The following EGF variants were observed in gnomAD, a reference collection of about 807,000 sequenced individuals.
EGF encodes the protein pro-epidermal growth factor.
In EGF, 95 loss-of-function variants were observed where a neutral mutation model predicts 143.8. The ratio of observed to expected loss-of-function variants is 0.66; its 90% confidence interval spans 0.56 to 0.78. The LOEUF is 0.78. EGF is among the 30% of genes least tolerant of loss of function. EGF has a pLI of 0.00. For missense variants in EGF, 1,320 were observed against 1,470.9 expected (o/e 0.90, Z 1.68); for synonymous variants, 510 against 510.5 (o/e 1.00, Z 0.01).
In EGF at chr4:110,004,572, C is replaced by T. The variant is rs774786316; in HGVS notation, c.3241C>T (p.Arg1081Cys). 23 of 1,613,834 alleles carry T rather than the reference C, an allele frequency of 1.4e-5. No homozygotes were observed. The highest frequency in any genetic ancestry group is 8.9e-5 in the East Asian group (4 of 44,896). Residue 1081 changes from arginine to cysteine, a missense_variant, in exon 22 of 24, where the codon CGC (arginine) becomes TGC (cysteine). By Grantham distance (180) the Arg-to-Cys change is radical. Transcript: ENST00000265171. ...GGAGTCGAGCAGAGATGTGAGGAGT[C>T]GCAGGCCTGCTGACACTGAGGATGG... ...YEESSRDVRSRRPADTEDGMS... is the reference protein window; with the variant it reads ...YEESSRDVRSCRPADTEDGMS...
intron 1 of EGF, among the ~76,000 whole-genome samples, chr4:109,924,816 C>T (rs1738365488): frequency 6.6e-6 from 1 of 152,090 alleles, no homozygotes; most frequent in Non-Finnish European, 1.5e-5. Context: ...CGTAAATCTC[C>T]ATAGATCTGA....
Position 109,994,839 on chromosome 4 carries a change from T to C in EGF, c.2964T>C (p.Gly988=). 1 of 1,614,172 alleles carries C rather than the reference T, an allele frequency of 6.2e-7. No individual in the cohort carries two copies. Among genetic ancestry groups the C allele is most frequent in the Non-Finnish European group, 8.5e-7 (1 of 1,180,004 alleles). The change falls in exon 20 of 24, where the codon GGT becomes GGC. Residue 988 remains glycine (G), a synonymous_variant. Coordinates refer to ENST00000265171, the MANE Select transcript of EGF (RefSeq NM_001963.6). The part of the protein sequence containing the change: ...LSHDGYCLHD[G]VCMYIEALDK... ...ACGATGGGTACTGCCTCCATGATGG[T>C]GTGTGCATGTATATTGAAGCATTGG... is the stretch of plus-strand genomic sequence containing the variant.
chr4:110,011,338 C>T lies in EGF; in HGVS notation c.3507C>T (p.Ser1169=), dbSNP rs2126206645. 3 of 1,614,136 alleles carry T rather than the reference C, an allele frequency of 1.9e-6. No homozygotes were observed. The highest frequency in any genetic ancestry group is 2.5e-6 in the Non-Finnish European group (3 of 1,180,014). Residue 1169 remains serine (S), a synonymous_variant, in exon 24 of 24, where the codon TCC becomes TCT. Transcript: ENST00000265171. ...QVMERSFHMP[S]YGTQTLEGGV... ...TGGAGCGAAGCTTTCATATGCCCTC[C>T]TATGGGACACAGACCCTTGAAGGGG... is the stretch of plus-strand genomic sequence containing the variant.
At chr4:110,003,370 A>T (rs1265460653) in intron 21 of EGF, among the ~76,000 whole-genome samples, 1 of 152,126 alleles carries the variant, frequency 6.6e-6, no homozygotes, top group South Asian at 2.1e-4. Flanking sequence ...ACTGGTACAA[A>T]TTATAACGTT....
chr4:109,999,605 G>C, intron 20 of EGF, 74 bp from the exon 21 acceptor site: 1 of 1,584,968 alleles, frequency 6.3e-7, no homozygotes, highest in South Asian at 1.1e-5. Flanking sequence ...AGAGACAGCT[G>C]AATACTGAGT....
chr4:109,950,693 G>A (rs1743747461), intron 5 of EGF, among the ~76,000 whole-genome samples: 1 of 152,096 alleles, frequency 6.6e-6, no homozygotes, highest in Non-Finnish European at 1.5e-5. Context: ...AGGCACACTT[G>A]CTCTCTCCTG....
chr4:109,930,897 C>G (rs746799735), intron 1 of EGF, among the ~76,000 whole-genome samples: 2 of 152,200 alleles, frequency 1.3e-5, no homozygotes, highest in Non-Finnish European at 2.9e-5. Flanking sequence ...TCCTGAAGAT[C>G]CCCTACTAAT....
chr4:109,951,387 GA>G (rs894148128), intron 5 of EGF, among the ~76,000 whole-genome samples: 7 of 151,238 alleles, frequency 4.6e-5, no homozygotes, highest in African/African-American at 1.5e-4. Context: ...AAAACCAAGT[GA>G]AAAAAAATTC....
chr4:109,972,045 T>TA lies in EGF; in HGVS notation c.1725-2647dup, dbSNP rs202031045. Among the ~76,000 whole-genome samples the TA allele has an allele frequency of 3.1e-3, 461 of 147,406 alleles. 2 individuals carry two copies. Among genetic ancestry groups the TA allele is most frequent in the Admixed American group, 7.6e-3 (113 of 14,814 alleles). On this transcript the variant is annotated intron_variant, in intron 11 of 23. Coordinates refer to ENST00000265171, the MANE Select transcript of EGF (RefSeq NM_001963.6). ...TGAGGTAACAAAAACTAATATGAGG[T>TA]AAAAAAAAAAATCACTCTTCTAGGG...
Position 110,011,281 on chromosome 4 carries a change from A to G in EGF, c.3450A>G (p.Val1150=). Residue 1150 remains valine (V), a synonymous_variant, in exon 24 of 24, where the codon GTA becomes GTG. Transcript: ENST00000265171. ...CAGAGCAAGGCTGCTGGATTCCAGTATCCAGTGATAAGGGCTCCTGTCCCC... is the reference window on the plus strand; with the variant it reads ...CAGAGCAAGGCTGCTGGATTCCAGTGTCCAGTGATAAGGGCTCCTGTCCCC... ...MGTEQGCWIP[V]SSDKGSCPQV... 1 of 1,614,170 alleles carries G rather than the reference A, an allele frequency of 6.2e-7. No homozygotes were observed. The highest frequency in any genetic ancestry group is 1.1e-5 in the South Asian group (1 of 91,080).
intron 20 of EGF, among the ~76,000 whole-genome samples, chr4:109,997,724 A>G (rs1752018215): frequency 6.6e-6 from 1 of 152,060 alleles, no homozygotes; most frequent in African/African-American, 2.4e-5. Context: ...TTAGCCAGGT[A>G]TGGTGGTACA....
chr4:109,982,623 C>T (rs963058346), intron 15 of EGF, among the ~76,000 whole-genome samples: 3 of 151,732 alleles, frequency 2.0e-5, no homozygotes, highest in Non-Finnish European at 4.4e-5. Flanking sequence ...CCACCGTGCC[C>T]GGCCTTTTTT....
At chr4:109,927,786 T>C (rs1738972680) in intron 1 of EGF, among the ~76,000 whole-genome samples, 1 of 142,978 alleles carries the variant, frequency 7.0e-6, no homozygotes, top group African/African-American at 2.6e-5. Context: ...CAGATCAGGA[T>C]AGTGATTTCT....
At chr4:109,959,709 C>T (rs1406434221) in intron 6 of EGF, among the ~76,000 whole-genome samples, 1 of 152,134 alleles carries the variant, frequency 6.6e-6, no homozygotes, top group Non-Finnish European at 1.5e-5. Context: ...TGATATAAGG[C>T]AGGGATTCTC....
chr4:109,950,293 G>C (rs185833081), intron 5 of EGF, among the ~76,000 whole-genome samples: 4 of 151,970 alleles, frequency 2.6e-5, no homozygotes, highest in Non-Finnish European at 5.9e-5. Context: ...ACTCTCTACC[G>C]CATCTCCCAA....
At chr4:109,938,794 G>C (rs1305914096) in intron 1 of EGF, among the ~76,000 whole-genome samples, 1 of 152,210 alleles carries the variant, frequency 6.6e-6, no homozygotes, top group Non-Finnish European at 1.5e-5. Context: ...AGATCTGTTG[G>C]AGTTTGCTGG....
chr4:109,962,312 G>A (rs1007652339), intron 8 of EGF, among the ~76,000 whole-genome samples: 1 of 152,208 alleles, frequency 6.6e-6, no homozygotes, highest in African/African-American at 2.4e-5. Context: ...CAACTGCAGA[G>A]ATACTGATAC....
chr4:110,011,335 C>T lies in EGF; in HGVS notation c.3504C>T (p.Pro1168=), dbSNP rs751928616. The T allele has an allele frequency of 1.9e-6, 3 of 1,614,026 alleles. No individual in the cohort carries two copies. Among genetic ancestry groups the T allele is most frequent in the Non-Finnish European group, 2.5e-6 (3 of 1,180,030 alleles). Residue 1168 remains proline (P), a synonymous_variant, in exon 24 of 24, where the codon CCC becomes CCT. Coordinates refer to ENST00000265171, the MANE Select transcript of EGF (RefSeq NM_001963.6). The part of the protein sequence containing the change: ...PQVMERSFHM[P]SYGTQTLEGG... ...TAATGGAGCGAAGCTTTCATATGCCCTCCTATGGGACACAGACCCTTGAAG... is the reference window on the plus strand; with the variant it reads ...TAATGGAGCGAAGCTTTCATATGCCTTCCTATGGGACACAGACCCTTGAAG...
At chr4:109,996,477 A>T (rs1751807781) in intron 20 of EGF, among the ~76,000 whole-genome samples, 1 of 152,216 alleles carries the variant, frequency 6.6e-6, no homozygotes, top group South Asian at 2.1e-4. Flanking sequence ...TATATTTAAT[A>T]AAAATGTGGT....
Sources: gnomAD v4.1 joint callset for allele counts (sites outside exome capture counted in the v4.1 genomes callset) on GRCh38, gnomAD v4.1.1 for gene constraint, MANE v1.5 for transcripts, NCBI Gene and HGNC (gene_info 2026-07-23, HGNC 2026-07-21) for gene names.